The following DACH1 variants were observed in gnomAD, a reference collection of about 807,000 sequenced individuals.
DACH1 encodes the protein dachshund family transcription factor 1.
Under a neutral mutation model 54.2 loss-of-function variants are expected in DACH1, and 12 were observed. The ratio of observed to expected loss-of-function variants is 0.22; its 90% CI spans 0.14 to 0.36. DACH1 has a LOEUF of 0.36. DACH1 is among the 10% of genes least tolerant of loss of function. The probability of loss-of-function intolerance (pLI) is 1.00; values close to 1 mark genes in which losing one functional copy is unlikely to be tolerated. For synonymous variants in DACH1, 386 were observed against 366.2 expected, an observed-to-expected ratio of 1.05 and a Z score of -0.62; for missense variants, 805 against 929.8, an observed-to-expected ratio of 0.87 and a Z score of 1.75.
chr13:71,580,838 G>T (rs560546727), intron 3 of DACH1, among the ~76,000 whole-genome samples: 1 of 151,936 alleles, frequency 6.6e-6, no homozygotes, highest in Non-Finnish European at 1.5e-5. Flanking sequence ...ATGTCCTATT[G>T]ATTTCATCTC....
At chr13:71,495,434 G>T (rs1879324785) in intron 6 of DACH1, among the ~76,000 whole-genome samples, 1 of 151,974 alleles carries the variant, frequency 6.6e-6, no homozygotes, top group Non-Finnish European at 1.5e-5. Context: ...ATTTATAAGT[G>T]TTTTGGCAAA....
Position 71,701,359 on chromosome 13 carries a change from A to C in DACH1, c.849-19449T>G, listed in dbSNP as rs148508953. On this transcript the variant is annotated intron_variant, in intron 1 of 10. Transcript: ENST00000613252. ...TGACAATCAGAGTTATAATTAATAC[A>C]TATAACTTTAGATGCAATTGTTTTC... Among the ~76,000 whole-genome samples the C allele has an allele frequency of 2.0e-5, 3 of 152,308 alleles. No individual in the cohort carries two copies. The East Asian group carries it at 5.8e-4, about 29-fold the overall frequency.
At chr13:71,646,653 A>G (rs1878291219) in intron 2 of DACH1, among the ~76,000 whole-genome samples, 1 of 152,222 alleles carries the variant, frequency 6.6e-6, no homozygotes, top group Admixed American at 6.5e-5. Flanking sequence ...TCAAAAACAC[A>G]CTAAATATAT....
At chr13:71,755,216 A>T (rs1885094038) in intron 1 of DACH1, among the ~76,000 whole-genome samples, 1 of 152,144 alleles carries the variant, frequency 6.6e-6, no homozygotes, top group Non-Finnish European at 1.5e-5. Context: ...AACAAGAAAA[A>T]TCTGTTTATG....
chr13:71,546,673 G>A (rs1027230761), intron 6 of DACH1, among the ~76,000 whole-genome samples: 3 of 151,798 alleles, frequency 2.0e-5, no homozygotes, highest in Admixed American at 1.3e-4. Context: ...AGGCTATAAA[G>A]ATTAAATAAG....
chr13:71,838,100 C>G (rs923607248), intron 1 of DACH1, among the ~76,000 whole-genome samples: 1 of 148,086 alleles, frequency 6.8e-6, no homozygotes, highest in African/African-American at 2.5e-5. Flanking sequence ...GTTGATACTG[C>G]ATTTAATTAT....
intron 4 of DACH1, among the ~76,000 whole-genome samples, chr13:71,568,228 T>C (rs540380913): frequency 2.0e-5 from 3 of 152,128 alleles, no homozygotes; most frequent in East Asian, 1.9e-4. Flanking sequence ...AAATAAAAGA[T>C]GAAGAAAAAC....
chr13:71,729,870 C>T (rs557454680), intron 1 of DACH1, among the ~76,000 whole-genome samples: 1 of 152,180 alleles, frequency 6.6e-6, no homozygotes, highest in South Asian at 2.1e-4. Flanking sequence ...GAAATATTCA[C>T]TACCAATCCA....
chr13:71,635,693 G>A (rs2138582812), intron 2 of DACH1, among the ~76,000 whole-genome samples: 1 of 152,084 alleles, frequency 6.6e-6, no homozygotes, highest in African/African-American at 2.4e-5. Flanking sequence ...CCTGTCTTCA[G>A]ATTCAGGGAA....
intron 1 of DACH1, among the ~76,000 whole-genome samples, chr13:71,836,122 T>C (rs1888773411): frequency 6.6e-6 from 1 of 151,930 alleles, no homozygotes; most frequent in African/African-American, 2.4e-5. Flanking sequence ...TAATAATAAA[T>C]CTAGCCAAAG....
At chr13:71,523,884 AATTT>A (rs1881774542) in intron 6 of DACH1, among the ~76,000 whole-genome samples, 1 of 152,150 alleles carries the variant, frequency 6.6e-6, no homozygotes, top group South Asian at 2.1e-4. Context: ...ACCAGTAGAC[AATTT>A]AATTTTACCA....
chr13:71,782,923 T>A (rs1301192915), intron 1 of DACH1, among the ~76,000 whole-genome samples: 1 of 152,118 alleles, frequency 6.6e-6, no homozygotes, highest in Admixed American at 6.5e-5. Flanking sequence ...CCACCAAAAA[T>A]ATTTTTTAAA....
rs563035831 is a variant in DACH1, at chr13:71,715,669, A to G, written c.849-33759T>C. 2.0e-5 allele frequency among the ~76,000 whole-genome samples: 3 copies of G among 152,184 alleles called. No individual in the cohort carries two copies. In the South Asian group the frequency reaches 6.2e-4, roughly 32 times the overall value. ...TGGTGAACATAGAGTATATTAATGC[A>G]GAGTATTTCCAATGAGAACGAGATA... is the stretch of plus-strand genomic sequence containing the variant. On this transcript the variant is annotated intron_variant, in intron 1 of 10. Transcript: ENST00000613252.
chr13:71,456,063 G>A (rs1264554285), intron 10 of DACH1, among the ~76,000 whole-genome samples: 1 of 152,016 alleles, frequency 6.6e-6, no homozygotes, highest in Non-Finnish European at 1.5e-5. Flanking sequence ...TTTACAAATT[G>A]TCTCTATCTC....
At chr13:71,779,210 TATATATACGTATATACGTATATATACAC>T (rs1357627128) in intron 1 of DACH1, among the ~76,000 whole-genome samples, 7 of 104,554 alleles carry the variant, frequency 6.7e-5, no homozygotes, top group East Asian at 2.3e-4. Flanking sequence ...TATATGTGTA[TATATATACGTATATACGTATATATACAC>T]ATATATACGT....
At chr13:71,669,054 T>C (rs1262448257) in intron 2 of DACH1, among the ~76,000 whole-genome samples, 5 of 152,238 alleles carry the variant, frequency 3.3e-5, no homozygotes. Context: ...TGGTATTCCA[T>C]GTGAAACAAA....
At chr13:71,583,679 A>C (rs1211317885) in intron 3 of DACH1, among the ~76,000 whole-genome samples, 1 of 152,104 alleles carries the variant, frequency 6.6e-6, no homozygotes, top group African/African-American at 2.4e-5. Flanking sequence ...CGTCTCTACA[A>C]AAAATACAAA....
At chr13:71,791,279 T>C (rs999874940) in intron 1 of DACH1, among the ~76,000 whole-genome samples, 1 of 152,312 alleles carries the variant, frequency 6.6e-6, no homozygotes, top group African/African-American at 2.4e-5. Context: ...TTACACTAAA[T>C]GAAGAAATAT....
At chr13:71,655,294 A>C (rs1879015107) in intron 2 of DACH1, among the ~76,000 whole-genome samples, 1 of 152,068 alleles carries the variant, frequency 6.6e-6, no homozygotes, top group African/African-American at 2.4e-5. Flanking sequence ...ACTTGAATAC[A>C]GAAATCAAGA....
Sources: gnomAD v4.1 joint callset for allele counts (sites outside exome capture counted in the v4.1 genomes callset) on GRCh38, gnomAD v4.1.1 for gene constraint, MANE v1.5 for transcripts, NCBI Gene and HGNC (gene_info 2026-07-23, HGNC 2026-07-21) for gene names.